CORIN: variants seen among roughly 807,000 people sequenced by gnomAD.
CORIN encodes corin, serine peptidase, also known as atrial natriuretic peptide-converting enzyme.
Under a neutral mutation model 125.3 loss-of-function variants are expected in CORIN, and 117 were observed. The observed-to-expected ratio is 0.93, with a 90% CI of 0.80 to 1.09. The LOEUF (loss-of-function observed/expected upper bound fraction) is 1.09, where lower values mean the gene tolerates loss of function less well. Among genes scored for constraint, CORIN ranks in the 50% least tolerant of loss-of-function variants. The pLI is 0.00. For missense variants in CORIN, 1,253 were observed against 1,306.7 expected (o/e 0.96, Z 0.63); for synonymous variants, 450 against 466.4 (o/e 0.96, Z 0.45).
rs114116265 is a variant in CORIN at position 47,788,445 on chromosome 4, C to T, written c.209-1520G>A. Among the ~76,000 whole-genome samples the T allele has an allele frequency of 8.9e-3, 1,355 of 152,164 alleles. 26 individuals carry two copies. The highest frequency in any genetic ancestry group is 0.031 in the African/African-American group (1,276 of 41,504). ...AAAGCTAAATCATGATCATGTAATG[C>T]GGGTAACATGCTCTCCAAACCATCT... On this transcript the variant is annotated intron_variant, in intron 2 of 21. Coordinates refer to ENST00000273857, the MANE Select transcript of CORIN (RefSeq NM_006587.4).
chr4:47,668,086 T>C (rs1724563047), intron 10 of CORIN, among the ~76,000 whole-genome samples: 1 of 152,206 alleles, frequency 6.6e-6, no homozygotes, highest in Non-Finnish European at 1.5e-5. Context: ...CACCAGAACC[T>C]GACCATGATG....
At chr4:47,716,376 A>T (rs541690318) in intron 5 of CORIN, among the ~76,000 whole-genome samples, 1 of 152,336 alleles carries the variant, frequency 6.6e-6, no homozygotes, top group African/African-American at 2.4e-5. Context: ...AAGCTATACC[A>T]ATGAATGAGA....
At chr4:47,757,865 T>C (rs1014515249) in intron 4 of CORIN, among the ~76,000 whole-genome samples, 1 of 110,416 alleles carries the variant, frequency 9.1e-6, no homozygotes, top group Admixed American at 9.3e-5. Context: ...CACATATATA[T>C]ACATATATAT....
intron 2 of CORIN, among the ~76,000 whole-genome samples, chr4:47,796,158 C>A (rs921123059): frequency 6.6e-6 from 1 of 152,040 alleles, no homozygotes; most frequent in Non-Finnish European, 1.5e-5. Context: ...TATCTGCACT[C>A]CCATGTTCCG....
chr4:47,654,428 G>C (rs1723871700), intron 12 of CORIN, among the ~76,000 whole-genome samples: 1 of 152,132 alleles, frequency 6.6e-6, no homozygotes, highest in African/African-American at 2.4e-5. Flanking sequence ...CACTGACAAG[G>C]GTAGGAAAGA....
chr4:47,672,927 G>GT (rs538006435), intron 10 of CORIN, among the ~76,000 whole-genome samples: 44 of 152,068 alleles, frequency 2.9e-4, no homozygotes, highest in African/African-American at 9.6e-4. Flanking sequence ...TTGAGACTCT[G>GT]TAACAGTTAT....
intron 4 of CORIN, among the ~76,000 whole-genome samples, chr4:47,753,530 G>C (rs1030580646): frequency 6.6e-6 from 1 of 152,018 alleles, no homozygotes. Context: ...CCCCAGAGTG[G>C]CCGTTTATAG....
At chr4:47,763,703 A>G in intron 3 of CORIN, 117 bp from the exon 4 acceptor site, 1 of 779,992 alleles carries the variant, frequency 1.3e-6, no homozygotes, top group East Asian at 2.7e-5. Flanking sequence ...AAATTTAGAT[A>G]TGCAATCATA....
At chr4:47,747,464 T>TC (rs1728711217) in intron 4 of CORIN, among the ~76,000 whole-genome samples, 1 of 152,218 alleles carries the variant, frequency 6.6e-6, no homozygotes, top group African/African-American at 2.4e-5. Context: ...CCCAAGCAGT[T>TC]CCTGGACCTT....
chr4:47,837,490 C>A (rs538582564), intron 1 of CORIN: 30 of 300,432 alleles, frequency 1.0e-4, no homozygotes, highest in African/African-American at 6.7e-4. Context: ...CACCTGCAGC[C>A]TCCCCTGCCG....
intron 1 of CORIN, chr4:47,837,554 A>T (rs957906202): frequency 2.5e-5 from 11 of 441,694 alleles, no homozygotes; most frequent in Admixed American, 4.0e-5. Flanking sequence ...CGGAGGAGGG[A>T]CTCTGCAGGA....
chr4:47,660,039 T>G (rs2109660682), intron 12 of CORIN, among the ~76,000 whole-genome samples: 2 of 152,226 alleles, frequency 1.3e-5, no homozygotes, highest in African/African-American at 4.8e-5. Context: ...CTCATACATC[T>G]ACAGTGAACT....
Position 47,793,693 on chromosome 4 carries a change from A to C in CORIN, c.209-6768T>G, listed in dbSNP as rs532212790. ...TCATTTCAAAGTCTCGTTCAAATACACATTGGTTTCCAATGCAGCACATTG... is the reference window on the plus strand; with the variant it reads ...TCATTTCAAAGTCTCGTTCAAATACCCATTGGTTTCCAATGCAGCACATTG... On this transcript the variant is annotated intron_variant, in intron 2 of 21. Transcript: ENST00000273857. Among the ~76,000 whole-genome samples, 5 of 152,308 alleles carry C rather than the reference A, an allele frequency of 3.3e-5. No individual in the cohort carries two copies. In the East Asian group the frequency reaches 9.6e-4, roughly 29 times the overall value.
chr4:47,779,281 A>G (rs1730431457), intron 3 of CORIN, among the ~76,000 whole-genome samples: 1 of 152,160 alleles, frequency 6.6e-6, no homozygotes, highest in African/African-American at 2.4e-5. Flanking sequence ...AGCCTGGCCA[A>G]CATCCTTAAC....
intron 5 of CORIN, among the ~76,000 whole-genome samples, chr4:47,730,207 G>C (rs1727803209): frequency 6.6e-6 from 1 of 152,142 alleles, no homozygotes; most frequent in African/African-American, 2.4e-5. Context: ...GGGCGCGGTG[G>C]CTCACGCCTG....
At chr4:47,686,526 T>C (rs1388716024) in intron 6 of CORIN, among the ~76,000 whole-genome samples, 1 of 152,186 alleles carries the variant, frequency 6.6e-6, no homozygotes, top group Non-Finnish European at 1.5e-5. Context: ...ACAACACATG[T>C]GACAGCTGAG....
chr4:47,670,507 G>A (rs979502552), intron 10 of CORIN, among the ~76,000 whole-genome samples: 2 of 152,124 alleles, frequency 1.3e-5, no homozygotes, highest in Admixed American at 1.3e-4. Context: ...TAGACCCTTA[G>A]GGAATTATTC....
At chr4:47,601,829 T>C (rs1179159017) in intron 20 of CORIN, among the ~76,000 whole-genome samples, 3 of 152,188 alleles carry the variant, frequency 2.0e-5, no homozygotes, top group African/African-American at 7.2e-5. Flanking sequence ...ATTTCCTTTC[T>C]GTTCTGTAAT....
rs148983816 is a variant in CORIN at position 47,693,019 on chromosome 4, T to C, written c.864A>G (p.Gln288=). Residue 288 remains glutamine, a synonymous_variant, in exon 6 of 22, where the codon CAA becomes CAG. Transcript: ENST00000273857. ...CGTCACAGTCGTTGTAGCCATTACA[T>C]TGCAGTTTCCCGGGGATGCAGATTC... The part of the protein sequence containing the change: ...ASGICIPGKL[Q]CNGYNDCDDW... 2.5e-6 allele frequency: 4 copies of C among 1,613,798 alleles called. No individual in the cohort carries two copies. The African/African-American group carries it at 4.0e-5, about 16-fold the overall frequency.
Sources: allele counts gnomAD v4.1 joint callset (sites outside exome capture counted in the v4.1 genomes callset), GRCh38; gene constraint gnomAD v4.1.1; transcripts MANE v1.5; gene names NCBI Gene and HGNC (gene_info 2026-07-23, HGNC 2026-07-21).